The following SH3BP4 variants were observed in gnomAD, a reference collection of about 807,000 sequenced individuals.
SH3BP4 encodes SH3 domain-binding protein 4.
A neutral mutation model predicts 65.5 loss-of-function variants in SH3BP4; 33 were observed. The ratio of observed to expected loss-of-function variants is 0.50; its 90% CI spans 0.38 to 0.67. SH3BP4 has a LOEUF of 0.67. Ranked by LOEUF, SH3BP4 falls within the 30% of genes least tolerant of loss-of-function variation. The pLI, the probability that SH3BP4 is intolerant of heterozygous loss-of-function variation, is 0.00. For missense variants in SH3BP4, 1,134 were observed against 1,261.4 expected, an observed-to-expected ratio of 0.90 and a Z score of 1.53; for synonymous variants, 552 against 545.5, an observed-to-expected ratio of 1.01 and a Z score of -0.17.
rs1695003551 is a variant in SH3BP4 at position 235,026,401 on chromosome 2, T to G, written c.-132-8470T>G. On this transcript the variant is annotated intron_variant, in intron 2 of 5. Transcript: ENST00000392011. The surrounding 1 kb of genome is among the most constrained non-coding windows in gnomAD (Gnocchi z 4.6). The stretch of plus-strand genomic sequence containing the variant: ...TTTCCCCGCATCTCTGGAGTCTGAG[T>G]CACCAGCTTGGCACCCACAGTTAAG... Among the ~76,000 whole-genome samples, 1 of 152,118 alleles carries G rather than the reference T, an allele frequency of 6.6e-6. No individual in the cohort carries two copies. Among genetic ancestry groups the G allele is most frequent in the Non-Finnish European group, 1.5e-5 (1 of 68,016 alleles).
At chr2:234,957,080 G>C (rs1192715012) in intron 1 of SH3BP4, among the ~76,000 whole-genome samples, 2 of 152,058 alleles carry the variant, frequency 1.3e-5, no homozygotes. Flanking sequence ...GAGTGCAGTG[G>C]TGCAATCTCG....
chr2:234,987,083 T>G (rs546595898), intron 1 of SH3BP4, among the ~76,000 whole-genome samples: 1 of 152,232 alleles, frequency 6.6e-6, no homozygotes, highest in African/African-American at 2.4e-5. Flanking sequence ...GCTAATGGTT[T>G]TCAGAGGCAG....
At chr2:234,994,373 C>A (rs1378276143) in intron 1 of SH3BP4, among the ~76,000 whole-genome samples, 3 of 152,076 alleles carry the variant, frequency 2.0e-5, no homozygotes, top group Non-Finnish European at 2.9e-5. Context: ...GGATGAGTGG[C>A]CATGATTGAG....
rs770061318 is a variant in SH3BP4, at chr2:234,977,538, C to T, written c.-206-17765C>T. ...TTAAACTGCTCTGAAACTCAGAGCC[C>T]AGAGCACCCAGCTCTGGGGCGACTG... On this transcript the variant is annotated intron_variant, in intron 1 of 5. Coordinates refer to ENST00000392011, the MANE Select transcript of SH3BP4 (RefSeq NM_014521.3). The surrounding 1 kb of genome is among the most constrained non-coding windows in gnomAD (Gnocchi z 5.1). 4.6e-5 allele frequency among the ~76,000 whole-genome samples: 7 copies of T among 152,096 alleles called. No individual in the cohort carries two copies. Among genetic ancestry groups the T allele is most frequent in the Non-Finnish European group, 7.4e-5 (5 of 68,004 alleles).
chr2:235,048,083 C>T (rs1695929530), intron 4 of SH3BP4, among the ~76,000 whole-genome samples: 1 of 152,080 alleles, frequency 6.6e-6, no homozygotes, highest in Admixed American at 6.5e-5. Context: ...ACTTTAACCT[C>T]CAGAAGAGGA....
intron 1 of SH3BP4, among the ~76,000 whole-genome samples, chr2:234,965,384 G>C (rs1362528729): frequency 6.6e-6 from 1 of 152,218 alleles, no homozygotes; most frequent in East Asian, 1.9e-4. Flanking sequence ...ACTTCTGACA[G>C]CCACTGTCTC....
intron 2 of SH3BP4, among the ~76,000 whole-genome samples, chr2:234,999,448 T>C (rs1694030022): frequency 6.6e-6 from 1 of 152,332 alleles, no homozygotes; most frequent in Non-Finnish European, 1.5e-5. Context: ...TCTCTGTGTT[T>C]GGAATTGTCC....
In SH3BP4 at chr2:235,034,898, G is replaced by A. The variant is rs529912811; in HGVS notation, c.-105G>A. On this transcript the variant is annotated 5_prime_UTR_variant, in exon 3 of 6. Coordinates refer to ENST00000392011, the MANE Select transcript of SH3BP4 (RefSeq NM_014521.3). The surrounding 1 kb of genome is among the most constrained non-coding windows in gnomAD (Gnocchi z 6.2). ...AGAAACATATTGCCGAGTGGATGCC[G>A]CCGCGCAGCGTGTTTGCTTGAGGCA... 38 of 917,256 alleles carry A rather than the reference G, an allele frequency of 4.1e-5. No homozygotes were observed. Among genetic ancestry groups the A allele is most frequent in the African/African-American group, 1.7e-4 (10 of 60,568 alleles). 56.8% of individuals were successfully genotyped at this position (917,256 alleles called of 1,614,324 possible).
rs1437652622 is a variant in SH3BP4, at chr2:234,952,063, C to A, written c.-314C>A. 2.7e-5 allele frequency: 4 copies of A among 147,812 alleles called. No individual in the cohort carries two copies. The highest frequency in any genetic ancestry group is 9.8e-5 in the African/African-American group (4 of 40,890). 9.2% of individuals were successfully genotyped at this position (147,812 alleles called of 1,614,324 possible). On this transcript the variant is annotated 5_prime_UTR_variant, in exon 1 of 6. Coordinates refer to ENST00000392011, the MANE Select transcript of SH3BP4 (RefSeq NM_014521.3). This position sits in a 1 kb window ranked among gnomAD's most constrained non-coding sequence, Gnocchi z 6.5. The stretch of plus-strand genomic sequence containing the variant: ...GGTCCGGGCCCCTCGCCACTACCGC[C>A]GCCGCCGCCGCCGTGAGTCCCGCGG...
At chr2:234,957,428 C>T (rs1447520785) in intron 1 of SH3BP4, among the ~76,000 whole-genome samples, 3 of 151,846 alleles carry the variant, frequency 2.0e-5, no homozygotes, top group African/African-American at 7.3e-5. Context: ...AGCCCACCCA[C>T]ACGACACCCC....
chr2:234,971,182 C>G (rs538519061), intron 1 of SH3BP4, among the ~76,000 whole-genome samples: 33 of 152,292 alleles, frequency 2.2e-4, no homozygotes, highest in African/African-American at 7.7e-4. Flanking sequence ...GCTCTTGGCA[C>G]CCACCATTCC....
chr2:234,991,101 C>G lies in SH3BP4; in HGVS notation c.-206-4202C>G, dbSNP rs1411763624. On this transcript the variant is annotated intron_variant, in intron 1 of 5. Coordinates refer to ENST00000392011, the MANE Select transcript of SH3BP4 (RefSeq NM_014521.3). This position sits in a 1 kb window ranked among gnomAD's most constrained non-coding sequence, Gnocchi z 4.2. ...CTTTCTGAGGTACTGGTGATGCATA[C>G]AAATTTGGGGGGATGCAATTCCATC... Among the ~76,000 whole-genome samples the G allele has an allele frequency of 1.3e-5, 2 of 152,144 alleles. No individual in the cohort carries two copies. The highest frequency in any genetic ancestry group is 1.5e-5 in the Non-Finnish European group (1 of 68,036).
At chr2:235,018,988 G>A (rs1694768442) in intron 2 of SH3BP4, among the ~76,000 whole-genome samples, 1 of 152,172 alleles carries the variant, frequency 6.6e-6, no homozygotes. Flanking sequence ...AAAGTTATCA[G>A]CCAAGTGACG....
At chr2:235,044,982 C>T (rs911091059) in intron 4 of SH3BP4, among the ~76,000 whole-genome samples, 4 of 152,198 alleles carry the variant, frequency 2.6e-5, no homozygotes, top group Non-Finnish European at 4.4e-5. Context: ...AGCGAACAAA[C>T]GCAGCAGGGA....
rs1695671848 is a variant in SH3BP4 at position 235,042,074 on chromosome 2, G to T, written c.1305G>T (p.Gly435=). 1.2e-6 allele frequency: 2 copies of T among 1,614,046 alleles called. No individual in the cohort carries two copies. Among genetic ancestry groups the T allele is most frequent in the African/African-American group, 1.3e-5 (1 of 75,048 alleles). ...YVSVPLNCSC[G]DTVQAQLHNL... ...CCGTCCCGCTCAACTGCAGCTGTGG[G>T]GACACGGTCCAGGCACAGCTGCACA... The change falls in exon 4 of 6, where the codon GGG becomes GGT. Residue 435 remains glycine (G), a synonymous_variant. Coordinates refer to ENST00000392011, the MANE Select transcript of SH3BP4 (RefSeq NM_014521.3). The surrounding 1 kb of genome is among the most constrained non-coding windows in gnomAD (Gnocchi z 7.3).
rs1559228861 is a variant in SH3BP4 at position 234,976,128 on chromosome 2, C to T, written c.-206-19175C>T. Among the ~76,000 whole-genome samples the T allele has an allele frequency of 2.0e-5, 3 of 152,086 alleles. No individual in the cohort carries two copies. Among genetic ancestry groups the T allele is most frequent in the African/African-American group, 7.2e-5 (3 of 41,412 alleles). On this transcript the variant is annotated intron_variant, in intron 1 of 5. Coordinates refer to ENST00000392011, the MANE Select transcript of SH3BP4 (RefSeq NM_014521.3). The surrounding 1 kb of genome is among the most constrained non-coding windows in gnomAD (Gnocchi z 4.7). ...GGTTGTATCTTCTAGGGACAGGGGCCCTGGCTTTCATCTAGTGACCCCTGT... is the reference window on the plus strand; with the variant it reads ...GGTTGTATCTTCTAGGGACAGGGGCTCTGGCTTTCATCTAGTGACCCCTGT...
At position 235,052,456 on chromosome 2, in the gene SH3BP4, A is replaced by G; in HGVS notation, c.2479-106A>G. The G allele has an allele frequency of 1.2e-6, 1 of 819,284 alleles. No individual in the cohort carries two copies. The highest frequency in any genetic ancestry group is 1.8e-6 in the Non-Finnish European group (1 of 540,992). 50.8% of individuals were successfully genotyped at this position (819,284 alleles called of 1,614,324 possible). ...GGTAGTAGGCCAGGGAACATGGAGA[A>G]TAGAGAGCCCATGGCCATTCCTGCG... On this transcript the variant is annotated intron_variant, in intron 4 of 5. Transcript: ENST00000392011. The surrounding 1 kb of genome is among the most constrained non-coding windows in gnomAD (Gnocchi z 5.0).
intron 3 of SH3BP4, among the ~76,000 whole-genome samples, chr2:235,036,740 A>AAAAAAAAAAATTAATAATAACAATAAT (rs146049108): frequency 7.1e-6 from 1 of 141,740 alleles, no homozygotes; most frequent in African/African-American, 2.7e-5. Flanking sequence ...TCTATATAAA[A>AAAAAAAAAAATTAATAATAACAATAAT]AATAATAATA....
At chr2:234,971,466 C>G (rs1000777889) in intron 1 of SH3BP4, among the ~76,000 whole-genome samples, 11 of 152,240 alleles carry the variant, frequency 7.2e-5, no homozygotes, top group Non-Finnish European at 1.5e-4. Flanking sequence ...GTGCAGATAT[C>G]TCTTTGAGAC....
Sources: allele counts gnomAD v4.1 joint callset (sites outside exome capture counted in the v4.1 genomes callset), GRCh38; gene constraint gnomAD v4.1.1; non-coding constraint Gnocchi (gnomAD v3.1); transcripts MANE v1.5; gene names NCBI Gene and HGNC (gene_info 2026-07-23, HGNC 2026-07-21).